XRCC4: variants seen among roughly 807,000 people sequenced by gnomAD.
XRCC4 encodes the protein X-ray repair cross complementing 4, also known as DNA repair protein XRCC4.
XRCC4 carries 28 observed loss-of-function variants against 39.1 expected under a neutral mutation model. That is an observed-to-expected ratio of 0.72 (90% CI 0.53 to 0.98). XRCC4 has a LOEUF of 0.98. Ranked by LOEUF, XRCC4 falls within the 50% of genes least tolerant of loss-of-function variation. XRCC4 has a pLI of 0.00. For missense variants in XRCC4, 350 were observed against 376.4 expected, an observed-to-expected ratio of 0.93 and a Z score of 0.58; for synonymous variants, 123 against 126.4, an observed-to-expected ratio of 0.97 and a Z score of 0.18.
At chr5:83,096,320 G>C (rs546748404) in intron 1 of XRCC4, among the ~76,000 whole-genome samples, 11 of 152,108 alleles carry the variant, frequency 7.2e-5, no homozygotes, top group Admixed American at 3.9e-4. Context: ...CACAGATGAG[G>C]GGGGCTGGAG....
intron 3 of XRCC4, among the ~76,000 whole-genome samples, chr5:83,137,456 C>G (rs1367212665): frequency 6.6e-6 from 1 of 152,084 alleles, no homozygotes; most frequent in Non-Finnish European, 1.5e-5. Flanking sequence ...TGGTTATTAA[C>G]CATTTTTGAA....
chr5:83,313,251 A>G (rs1294044262), intron 7 of XRCC4, among the ~76,000 whole-genome samples: 1 of 152,106 alleles, frequency 6.6e-6, no homozygotes, highest in Admixed American at 6.6e-5. Context: ...TATCCTTTAG[A>G]AAGCACTTTT....
intron 2 of XRCC4, among the ~76,000 whole-genome samples, chr5:83,109,885 A>G (rs1746365351): frequency 6.6e-6 from 1 of 151,958 alleles, no homozygotes; most frequent in African/African-American, 2.4e-5. Context: ...TAATCTTTTA[A>G]AAAAACTACT....
intron 2 of XRCC4, among the ~76,000 whole-genome samples, chr5:83,107,975 A>G (rs956834211): frequency 2.0e-5 from 3 of 151,850 alleles, no homozygotes; most frequent in Non-Finnish European, 2.9e-5. Context: ...GGCTAGTTAT[A>G]TATAGGTATC....
At chr5:83,209,090 G>A (rs960251891) in intron 6 of XRCC4, among the ~76,000 whole-genome samples, 1 of 145,282 alleles carries the variant, frequency 6.9e-6, no homozygotes, top group Non-Finnish European at 1.5e-5. Context: ...GTGAGTGTGT[G>A]TGTGTGTGTG....
At chr5:83,241,990 G>C (rs557235844) in intron 6 of XRCC4, among the ~76,000 whole-genome samples, 364 of 151,570 alleles carry the variant, frequency 2.4e-3, no homozygotes, top group Non-Finnish European at 2.8e-3. Flanking sequence ...GAGGCGGAAG[G>C]GTTGGTCTTG....
At chr5:83,096,187 G>A (rs1745667609) in intron 1 of XRCC4, among the ~76,000 whole-genome samples, 1 of 151,964 alleles carries the variant, frequency 6.6e-6, no homozygotes, top group Admixed American at 6.6e-5. Flanking sequence ...GGACAGAAGT[G>A]CTGTAGCCAA....
chr5:83,174,269 A>G (rs1182554086), intron 3 of XRCC4, among the ~76,000 whole-genome samples: 1 of 152,214 alleles, frequency 6.6e-6, no homozygotes, highest in Non-Finnish European at 1.5e-5. Context: ...GTGCCAAAGC[A>G]TTTCTCATAA....
intron 3 of XRCC4, among the ~76,000 whole-genome samples, chr5:83,143,987 T>G (rs962195327): frequency 8.5e-5 from 13 of 152,070 alleles, no homozygotes; most frequent in African/African-American, 2.7e-4. Flanking sequence ...AGTCTGAGAT[T>G]TTAATGTACC....
chr5:83,246,127 T>A (rs7710815), intron 6 of XRCC4, among the ~76,000 whole-genome samples: 24 of 152,214 alleles, frequency 1.6e-4, no homozygotes, highest in African/African-American at 5.3e-4. Flanking sequence ...GATATACCAG[T>A]ATGGATATAG....
At chr5:83,184,610 C>T (rs6866781) in intron 3 of XRCC4, among the ~76,000 whole-genome samples, 9,634 of 152,048 alleles carry the variant, frequency 0.063, 1,022 homozygotes, top group East Asian at 0.48. Flanking sequence ...TTTTACACTA[C>T]GTTCTATTAA....
At chr5:83,136,920 G>A (rs1195366202) in intron 3 of XRCC4, among the ~76,000 whole-genome samples, 1 of 152,084 alleles carries the variant, frequency 6.6e-6, no homozygotes, top group African/African-American at 2.4e-5. Context: ...GTATTTGAAG[G>A]TTGCTAAGAG....
intron 3 of XRCC4, among the ~76,000 whole-genome samples, chr5:83,185,067 G>A (rs1482285749): frequency 2.0e-5 from 3 of 151,846 alleles, no homozygotes; most frequent in Admixed American, 6.6e-5. Context: ...TAATTGTTTT[G>A]ATACGACCAA....
intron 1 of XRCC4, among the ~76,000 whole-genome samples, chr5:83,088,167 C>G (rs1412343031): frequency 1.3e-5 from 2 of 152,050 alleles, no homozygotes; most frequent in African/African-American, 4.8e-5. Context: ...TGTCATTTAG[C>G]AGGTATTTGA....
At chr5:83,177,438 C>CTTT (rs776050448) in intron 3 of XRCC4, among the ~76,000 whole-genome samples, 8 of 98,330 alleles carry the variant, frequency 8.1e-5, no homozygotes, top group African/African-American at 3.2e-4. Flanking sequence ...GCTTTAATAC[C>CTTT]TTTTTTTTTT....
intron 3 of XRCC4, among the ~76,000 whole-genome samples, chr5:83,129,424 T>C (rs906487033): frequency 1.6e-4 from 25 of 152,104 alleles, no homozygotes; most frequent in African/African-American, 6.0e-4. Context: ...CCTCCAGCTT[T>C]GTTCTTTTTG....
Position 83,111,100 on chromosome 5 carries a change from G to GA in XRCC4, c.216dup (p.Ala73SerfsTer10). On this transcript the variant is annotated frameshift_variant, in exon 3 of 8. Coordinates refer to ENST00000396027, the MANE Select transcript of XRCC4 (RefSeq NM_003401.5). LOFTEE classifies it high-confidence loss of function. Reference sequence around the variant, plus strand: ...AAAGGGAAATATGTTGGTGAACTGAGAAAAGCATTGTTGTCAGGAGCAGGA... The same window carrying GA: ...AAAGGGAAATATGTTGGTGAACTGAGAAAAAGCATTGTTGTCAGGAGCAGGA... 1 of 1,611,972 alleles carries GA rather than the reference G, an allele frequency of 6.2e-7. No homozygotes were observed. The highest frequency in any genetic ancestry group is 8.5e-7 in the Non-Finnish European group (1 of 1,179,022).
chr5:83,221,108 G>A (rs751066108), intron 6 of XRCC4, among the ~76,000 whole-genome samples: 3 of 152,058 alleles, frequency 2.0e-5, no homozygotes, highest in Non-Finnish European at 4.4e-5. Flanking sequence ...TGATGATAAT[G>A]AGTACTGCTG....
At chr5:83,171,296 C>T (rs1749710047) in intron 3 of XRCC4, among the ~76,000 whole-genome samples, 1 of 152,110 alleles carries the variant, frequency 6.6e-6, no homozygotes. Flanking sequence ...ACTCTACCAC[C>T]AGAGGAGCAT....
Sources: allele counts gnomAD v4.1 joint callset (sites outside exome capture counted in the v4.1 genomes callset), GRCh38; gene constraint gnomAD v4.1.1; transcripts MANE v1.5; gene names NCBI Gene and HGNC (gene_info 2026-07-23, HGNC 2026-07-21).